The following NOL4L variants were observed in gnomAD, a reference collection of about 807,000 sequenced individuals.
The protein encoded by NOL4L is nucleolar protein 4-like.
Under a neutral mutation model 64.5 loss-of-function variants are expected in NOL4L, and 7 were observed. The ratio of observed to expected loss-of-function variants is 0.11; its 90% CI spans 0.06 to 0.20. NOL4L has a LOEUF of 0.20. NOL4L is among the 10% of genes least tolerant of loss of function. NOL4L has a pLI of 1.00. For synonymous variants in NOL4L, 413 were observed against 401.0 expected (o/e 1.03, Z -0.36); for missense variants, 680 against 967.1 (o/e 0.70, Z 3.94).
intron 10 of NOL4L, among the ~76,000 whole-genome samples, chr20:32,449,299 G>A (rs1005756492): frequency 3.9e-5 from 6 of 152,208 alleles, no homozygotes; most frequent in Non-Finnish European, 8.8e-5. Flanking sequence ...TACCCTGAAA[G>A]TTCTGATGGT....
In NOL4L at chr20:32,447,350, G is replaced by T. The variant is rs540393376; in HGVS notation, c.*246C>A. 1.7e-6 allele frequency: 1 copy of T among 596,134 alleles called. No homozygotes were observed. The highest frequency in any genetic ancestry group is 3.0e-6 in the Non-Finnish European group (1 of 337,638). 36.9% of individuals were successfully genotyped at this position (596,134 alleles called of 1,614,324 possible). A position where few individuals can be genotyped will look rare whatever the true frequency, so the allele number is the denominator to read the frequency against. On this transcript the variant is annotated 3_prime_UTR_variant, in exon 11 of 11. Transcript: ENST00000621426. ...CAGGGGAGCCCCCAACCCTTCCAGAGCTGCCCCGTTGGCCTCTTCCAAGCA... is the reference window on the plus strand; with the variant it reads ...CAGGGGAGCCCCCAACCCTTCCAGATCTGCCCCGTTGGCCTCTTCCAAGCA...
intron 1 of NOL4L, among the ~76,000 whole-genome samples, chr20:32,566,418 T>A (rs1358464350): frequency 7.3e-6 from 1 of 137,722 alleles, no homozygotes; most frequent in Non-Finnish European, 1.6e-5. Context: ...ACCTACAAGG[T>A]TGGCATCACT....
intron 2 of NOL4L, among the ~76,000 whole-genome samples, chr20:32,521,683 G>C (rs1010668989): frequency 6.6e-6 from 1 of 152,192 alleles, no homozygotes; most frequent in Non-Finnish European, 1.5e-5. Context: ...AGGGCTGGGT[G>C]GGGGAGTGGG....
At chr20:32,558,581 C>T (rs1263568769) in intron 1 of NOL4L, among the ~76,000 whole-genome samples, 1 of 152,196 alleles carries the variant, frequency 6.6e-6, no homozygotes, top group Non-Finnish European at 1.5e-5. Context: ...GCTGGGTACA[C>T]GGCCGCCCCA....
intron 10 of NOL4L, among the ~76,000 whole-genome samples, chr20:32,451,903 C>T (rs913772689): frequency 3.3e-5 from 5 of 152,184 alleles, no homozygotes; most frequent in Admixed American, 2.0e-4. Context: ...GGCTGGGACT[C>T]GGCACCCACA....
intron 1 of NOL4L, among the ~76,000 whole-genome samples, chr20:32,557,580 G>A (rs1046154056): frequency 6.6e-6 from 1 of 152,148 alleles, no homozygotes; most frequent in Non-Finnish European, 1.5e-5. Context: ...GTGGGCAGGG[G>A]GCAAACTCAG....
chr20:32,456,203 A>G lies in NOL4L; in HGVS notation c.1034T>C (p.Leu345Pro). The G allele has an allele frequency of 6.2e-7, 1 of 1,607,212 alleles. No individual in the cohort carries two copies. The stretch of plus-strand genomic sequence containing the variant: ...ATCCGAGGGGTAGGAGGCTGTGCCA[A>G]GTGCCGTGGCCGGCGGGAGCTTGTC... ...LCDKLPPATA[L>P]GTASYPSDGC... Residue 345 changes from leucine to proline, a missense_variant, in exon 6 of 11, where the codon CTT becomes CCT. Around this residue, in one of 4 missense-constraint regions of NOL4L, gnomAD observed 254 missense variants for 238.7 expected, o/e 1.06. Coordinates refer to ENST00000621426, the MANE Select transcript of NOL4L (RefSeq NM_001256798.2).
rs368933653 is a variant in NOL4L at position 32,447,790 on chromosome 20, C to T, written c.1849G>A (p.Gly617Arg). The T allele has an allele frequency of 1.5e-5, 23 of 1,571,082 alleles. No individual in the cohort carries two copies. Among genetic ancestry groups the T allele is most frequent in the Non-Finnish European group, 1.9e-5 (22 of 1,155,270 alleles). Residue 617 changes from glycine to arginine, a missense_variant, in exon 11 of 11, where the codon GGG becomes AGG. Around this residue, in one of 4 missense-constraint regions of NOL4L, gnomAD observed 175 missense variants for 227.0 expected, o/e 0.77. Transcript: ENST00000621426. ...NGPTDLSMKG[G>R]ASTTSTTPTP... Reference sequence around the variant, plus strand: ...GGGGTGGTGGAGGTGGTAGAGGCCCCGCCTTTCATGCTGAGGTCCGTGGGC... The same window carrying T: ...GGGGTGGTGGAGGTGGTAGAGGCCCTGCCTTTCATGCTGAGGTCCGTGGGC...
chr20:32,452,233 C>T lies in NOL4L; in HGVS notation c.1822+3G>A. 6.5e-7 allele frequency: 1 copy of T among 1,534,774 alleles called. No individual in the cohort carries two copies. ...GCCAGAGCCCAGGCCTCCCCCGACT[C>T]ACCATTACTGTGGTTTCCTGTTTGG... On this transcript the variant is annotated splice_donor_region_variant and intron_variant, in intron 10 of 10. Transcript: ENST00000621426.
At chr20:32,577,421 T>C (rs1018267001) in intron 1 of NOL4L, among the ~76,000 whole-genome samples, 1 of 152,212 alleles carries the variant, frequency 6.6e-6, no homozygotes, top group Admixed American at 6.5e-5. Flanking sequence ...GGGAGATCAC[T>C]GGAGCCTTCT....
At chr20:32,546,983 T>C (rs1395955969) in intron 1 of NOL4L, among the ~76,000 whole-genome samples, 2 of 152,246 alleles carry the variant, frequency 1.3e-5, no homozygotes, top group African/African-American at 2.4e-5. Context: ...CAGAGGGACC[T>C]TGGGCATTCA....
chr20:32,485,085 A>C (rs1317408217), intron 4 of NOL4L, among the ~76,000 whole-genome samples: 245 of 144,404 alleles, frequency 1.7e-3, no homozygotes, highest in Middle Eastern at 3.5e-3. Context: ...AAAAAAAAAA[A>C]AACAACTAAA....
At chr20:32,488,932 T>G (rs566061380) in intron 4 of NOL4L, among the ~76,000 whole-genome samples, 1 of 146,352 alleles carries the variant, frequency 6.8e-6, no homozygotes, top group African/African-American at 2.5e-5. Flanking sequence ...CCTGTTCATA[T>G]CCTTTGCCCA....
intron 1 of NOL4L, among the ~76,000 whole-genome samples, chr20:32,566,223 G>C (rs1037404643): frequency 6.6e-6 from 1 of 152,188 alleles, no homozygotes; most frequent in African/African-American, 2.4e-5. Flanking sequence ...AGCTCAGAGA[G>C]TGATTTGCCT....
chr20:32,496,022 G>A (rs2016674774), intron 4 of NOL4L, among the ~76,000 whole-genome samples: 1 of 152,156 alleles, frequency 6.6e-6, no homozygotes, highest in African/African-American at 2.4e-5. Flanking sequence ...TTCGACCTGA[G>A]ACAGGCCCAG....
intron 1 of NOL4L, among the ~76,000 whole-genome samples, chr20:32,531,607 C>A (rs2018349929): frequency 6.6e-6 from 1 of 152,186 alleles, no homozygotes. Context: ...TCCACCTCAG[C>A]CTCCCAAAGT....
chr20:32,511,773 C>T (rs2017416679), intron 3 of NOL4L, among the ~76,000 whole-genome samples: 1 of 152,128 alleles, frequency 6.6e-6, no homozygotes, highest in Admixed American at 6.5e-5. Flanking sequence ...TCCCTTGAGC[C>T]CCAGGAGGGG....
intron 1 of NOL4L, among the ~76,000 whole-genome samples, chr20:32,563,221 GTGA>G (rs1979194114): frequency 1.0e-5 from 1 of 96,270 alleles, no homozygotes. Context: ...GGGAGGGAGA[GTGA>G]GGAGGGAGAG....
chr20:32,485,297 T>TTTTC (rs2016042149), intron 4 of NOL4L, among the ~76,000 whole-genome samples: 1 of 152,156 alleles, frequency 6.6e-6, no homozygotes. Context: ...AAAAAGCCTT[T>TTTTC]TTTCTTTCTT....
Sources: gnomAD v4.1 joint callset for allele counts (sites outside exome capture counted in the v4.1 genomes callset) on GRCh38, gnomAD v4.1.1 for gene constraint, gnomAD v4.1.1 regional missense constraint, MANE v1.5 for transcripts, NCBI Gene and HGNC (gene_info 2026-07-23, HGNC 2026-07-21) for gene names.